The following HECW2 variants were observed in gnomAD, a reference collection of about 807,000 sequenced individuals.
HECW2 encodes HECT, C2 and WW domain containing E3 ubiquitin protein ligase 2, also known as E3 ubiquitin-protein ligase HECW2.
In HECW2, 61 loss-of-function variants were observed where a neutral mutation model predicts 175.2. The observed-to-expected ratio is 0.35, with a 90% CI of 0.28 to 0.43. The LOEUF is 0.43. Ranked by LOEUF, HECW2 falls within the 20% of genes least tolerant of loss-of-function variation. The pLI is 1.00. For missense variants in HECW2, 1,524 were observed against 2,000.5 expected, an observed-to-expected ratio of 0.76 and a Z score of 4.54; for synonymous variants, 671 against 731.0, an observed-to-expected ratio of 0.92 and a Z score of 1.32.
chr2:196,306,976 G>A (rs1234886440), intron 12 of HECW2, among the ~76,000 whole-genome samples, 154 bp downstream of exon 12: 1 of 152,212 alleles, frequency 6.6e-6, no homozygotes, highest in African/African-American at 2.4e-5. Flanking sequence ...AGGATTAGAA[G>A]AGGTTTCTGG....
chr2:196,463,584 G>A (rs1012930494), intron 1 of HECW2, among the ~76,000 whole-genome samples: 3 of 152,124 alleles, frequency 2.0e-5, no homozygotes, highest in African/African-American at 7.2e-5. Flanking sequence ...TAATTGCAGA[G>A]AAAGTGCTAA....
chr2:196,558,878 TA>T (rs1159274012), intron 1 of HECW2, among the ~76,000 whole-genome samples: 1 of 152,182 alleles, frequency 6.6e-6, no homozygotes, highest in South Asian at 2.1e-4. Flanking sequence ...GGCAGGCATT[TA>T]AAAAAACCTG....
chr2:196,366,989 T>C (rs1324623192), intron 2 of HECW2, among the ~76,000 whole-genome samples: 2 of 152,232 alleles, frequency 1.3e-5, no homozygotes, highest in Non-Finnish European at 2.9e-5. Flanking sequence ...TATCTGTGTA[T>C]ATATATGTTG....
At chr2:196,204,117 G>A (rs764789419) in intron 28 of HECW2, among the ~76,000 whole-genome samples, 3 of 152,162 alleles carry the variant, frequency 2.0e-5, no homozygotes, top group Non-Finnish European at 4.4e-5. Context: ...TAATGAACAG[G>A]AGTTTTTTTC....
At chr2:196,449,908 T>C (rs1214530032) in intron 1 of HECW2, among the ~76,000 whole-genome samples, 7 of 152,190 alleles carry the variant, frequency 4.6e-5, no homozygotes, top group African/African-American at 1.7e-4. Flanking sequence ...TCATAATGCA[T>C]GGGAAACAGG....
intron 13 of HECW2, among the ~76,000 whole-genome samples, chr2:196,297,351 T>C (rs1166059992): frequency 2.0e-5 from 3 of 152,242 alleles, no homozygotes; most frequent in Non-Finnish European, 2.9e-5. Context: ...ATTTCTTGAG[T>C]GGAGTTTTGT....
chr2:196,268,938 C>T (rs949858654), intron 17 of HECW2, among the ~76,000 whole-genome samples: 10 of 152,126 alleles, frequency 6.6e-5, no homozygotes, highest in East Asian at 1.9e-4. Flanking sequence ...TCTAGGGGAA[C>T]GTGGATTACT....
chr2:196,502,240 A>C (rs1400755584), intron 1 of HECW2, among the ~76,000 whole-genome samples: 3 of 152,212 alleles, frequency 2.0e-5, no homozygotes, highest in Admixed American at 1.3e-4. Flanking sequence ...TCTTCATTTA[A>C]CCAACTTTGG....
intron 28 of HECW2, among the ~76,000 whole-genome samples, chr2:196,208,757 A>T (rs1356373859): frequency 6.6e-6 from 1 of 152,204 alleles, no homozygotes; most frequent in Non-Finnish European, 1.5e-5. Context: ...ACACAGAAGG[A>T]GGCTGGTAGG....
rs185499701 is a variant in HECW2 at position 196,526,484 on chromosome 2, C to A, written c.-36+67024G>T. On this transcript the variant is annotated intron_variant, in intron 1 of 28. Coordinates refer to ENST00000644978, the MANE Select transcript of HECW2 (RefSeq NM_001348768.2). ...AAGCCTTCTTCTCTCAGCTCGTCAA[C>A]GTCATTCTCCATCCAGCTTTGTTCC... Among the ~76,000 whole-genome samples, 242 of 152,152 alleles carry A rather than the reference C, an allele frequency of 1.6e-3. 1 individual carries two copies. Among genetic ancestry groups the A allele is most frequent in the Non-Finnish European group, 2.5e-3 (168 of 68,012 alleles).
chr2:196,490,571 C>A (rs1360750031), intron 1 of HECW2, among the ~76,000 whole-genome samples: 1 of 152,130 alleles, frequency 6.6e-6, no homozygotes, highest in African/African-American at 2.4e-5. Flanking sequence ...CATACATTTA[C>A]CATAAAGCCC....
chr2:196,424,738 A>G (rs1451099381), intron 2 of HECW2, among the ~76,000 whole-genome samples: 1 of 152,188 alleles, frequency 6.6e-6, no homozygotes, highest in Non-Finnish European at 1.5e-5. Context: ...AAGCTAGGAA[A>G]GGTTGATTCA....
At chr2:196,587,371 T>C (rs1357334693) in intron 1 of HECW2, among the ~76,000 whole-genome samples, 1 of 152,228 alleles carries the variant, frequency 6.6e-6, no homozygotes, top group Non-Finnish European at 1.5e-5. Context: ...GAGATAGTCA[T>C]TGTCATATTT....
chr2:196,283,844 G>T (rs560162195), intron 14 of HECW2, among the ~76,000 whole-genome samples: 1 of 152,180 alleles, frequency 6.6e-6, no homozygotes, highest in South Asian at 2.1e-4. Flanking sequence ...TCCCTATTTG[G>T]TGAATAATGA....
intron 1 of HECW2, among the ~76,000 whole-genome samples, chr2:196,440,164 C>T (rs922233747): frequency 1.3e-5 from 2 of 151,922 alleles, no homozygotes; most frequent in Non-Finnish European, 2.9e-5. Context: ...ATTATGAGGC[C>T]GGGGATAAAA....
intron 2 of HECW2, among the ~76,000 whole-genome samples, chr2:196,371,631 T>G (rs559118215): frequency 2.0e-5 from 3 of 152,216 alleles, no homozygotes; most frequent in East Asian, 3.9e-4. Flanking sequence ...TAATAAAATT[T>G]TGGACTCATA....
chr2:196,459,062 G>C (rs1478181057), intron 1 of HECW2, among the ~76,000 whole-genome samples: 1 of 152,128 alleles, frequency 6.6e-6, no homozygotes, highest in Non-Finnish European at 1.5e-5. Context: ...AGCTGGGAGA[G>C]ATAATGCTAA....
At chr2:196,480,967 G>C (rs958553957) in intron 1 of HECW2, among the ~76,000 whole-genome samples, 3 of 152,242 alleles carry the variant, frequency 2.0e-5, no homozygotes, top group African/African-American at 7.2e-5. Context: ...TTAGAGAATA[G>C]ATAGTTTAAT....
At chr2:196,360,275 G>A (rs143584547) in intron 2 of HECW2, among the ~76,000 whole-genome samples, 2,153 of 152,214 alleles carry the variant, frequency 0.014, 57 homozygotes, top group African/African-American at 0.049. Context: ...ATTCACAAGA[G>A]CAAAGACATG....
Sources: allele counts gnomAD v4.1 joint callset (sites outside exome capture counted in the v4.1 genomes callset), GRCh38; gene constraint gnomAD v4.1.1; transcripts MANE v1.5; gene names NCBI Gene and HGNC (gene_info 2026-07-23, HGNC 2026-07-21).